NKAIN2: variants seen among roughly 807,000 people sequenced by gnomAD.
NKAIN2 encodes the protein sodium/potassium-transporting ATPase subunit beta-1-interacting protein 2.
Under a neutral mutation model 32.6 loss-of-function variants are expected in NKAIN2, and 14 were observed. That is an observed-to-expected ratio of 0.43 (90% CI 0.28 to 0.67). NKAIN2 has a LOEUF of 0.67. NKAIN2 is among the 30% of genes least tolerant of loss of function. The pLI is 0.17. For synonymous variants in NKAIN2, 80 were observed against 87.2 expected, an observed-to-expected ratio of 0.92 and a Z score of 0.46; for missense variants, 198 against 258.3, an observed-to-expected ratio of 0.77 and a Z score of 1.60.
At chr6:124,614,924 T>G (rs1411508949) in intron 3 of NKAIN2, among the ~76,000 whole-genome samples, 1 of 152,262 alleles carries the variant, frequency 6.6e-6, no homozygotes, top group Non-Finnish European at 1.5e-5. Flanking sequence ...TTTCCCTTTT[T>G]ACAAAGCACC....
At chr6:124,725,246 G>T (rs184354649) in intron 4 of NKAIN2, among the ~76,000 whole-genome samples, 26 of 152,100 alleles carry the variant, frequency 1.7e-4, no homozygotes, top group African/African-American at 5.5e-4. Flanking sequence ...TTTTCTTTTG[G>T]CCATTTTTTT....
chr6:124,590,092 C>T (rs1255982691), intron 3 of NKAIN2, among the ~76,000 whole-genome samples: 2 of 152,148 alleles, frequency 1.3e-5, no homozygotes, highest in East Asian at 3.8e-4. Context: ...GTGCTGCTGC[C>T]CTGAGCTGCT....
At chr6:123,938,602 T>C (rs1396496722) in intron 1 of NKAIN2, among the ~76,000 whole-genome samples, 2 of 140,904 alleles carry the variant, frequency 1.4e-5, no homozygotes, top group African/African-American at 2.6e-5. Context: ...ATATATTATA[T>C]ATATTTTTAT....
chr6:124,041,594 G>T (rs920015053), intron 1 of NKAIN2, among the ~76,000 whole-genome samples: 1 of 151,988 alleles, frequency 6.6e-6, no homozygotes, highest in African/African-American at 2.4e-5. Flanking sequence ...CCCTGTATTT[G>T]TGGCTTGAGT....
At position 124,588,314 on chromosome 6, in the gene NKAIN2, T is replaced by A. The variant is rs145307170; in HGVS notation, c.274-69872T>A. Among the ~76,000 whole-genome samples, 9 of 152,306 alleles carry A rather than the reference T, an allele frequency of 5.9e-5. No individual in the cohort carries two copies. The East Asian group carries it at 1.5e-3, about 26-fold the overall frequency. Reference sequence around the variant, plus strand: ...TCCATCATCTCTCTGCTCTCAAGAATTTTTCTTTACTAAAATTCTCATAAT... The same window carrying A: ...TCCATCATCTCTCTGCTCTCAAGAAATTTTCTTTACTAAAATTCTCATAAT... On this transcript the variant is annotated intron_variant, in intron 3 of 6. Transcript: ENST00000368417.
chr6:123,850,018 G>C (rs1258933303), intron 1 of NKAIN2, among the ~76,000 whole-genome samples: 3 of 141,778 alleles, frequency 2.1e-5, no homozygotes, highest in African/African-American at 7.9e-5. Context: ...TTGTTGCCCA[G>C]GCTGGTCTCC....
At chr6:124,592,908 A>G (rs914199662) in intron 3 of NKAIN2, among the ~76,000 whole-genome samples, 1 of 152,146 alleles carries the variant, frequency 6.6e-6, no homozygotes, top group Non-Finnish European at 1.5e-5. Context: ...ACTTCACGCT[A>G]GCTGTTTTTC....
At chr6:124,654,251 T>C (rs918918679) in intron 3 of NKAIN2, among the ~76,000 whole-genome samples, 15 of 152,138 alleles carry the variant, frequency 9.9e-5, no homozygotes, top group African/African-American at 3.6e-4. Flanking sequence ...CAAGAAATGC[T>C]ATTTTTGGCT....
At chr6:124,614,854 C>G (rs1229922178) in intron 3 of NKAIN2, among the ~76,000 whole-genome samples, 1 of 152,126 alleles carries the variant, frequency 6.6e-6, no homozygotes, top group Non-Finnish European at 1.5e-5. Flanking sequence ...CGTTTCATTC[C>G]CTAATTTGGT....
intron 1 of NKAIN2, among the ~76,000 whole-genome samples, chr6:124,066,378 T>C (rs1308928951): frequency 3.3e-5 from 5 of 152,170 alleles, no homozygotes; most frequent in Admixed American, 3.3e-4. Context: ...CTCTTCTCCT[T>C]TTCTGGTTGT....
chr6:124,143,973 GT>G (rs1787266739), intron 1 of NKAIN2, among the ~76,000 whole-genome samples: 1 of 152,116 alleles, frequency 6.6e-6, no homozygotes, highest in Admixed American at 6.5e-5. Flanking sequence ...AAAGCGTACA[GT>G]GTCTAGCCCT....
chr6:124,344,548 G>A (rs368541833), intron 2 of NKAIN2, among the ~76,000 whole-genome samples: 149 of 151,080 alleles, frequency 9.9e-4, no homozygotes, highest in African/African-American at 2.6e-3. Context: ...GGTCCTTCAC[G>A]TCCCTTGTAA....
At chr6:124,210,412 G>T (rs577740397) in intron 1 of NKAIN2, among the ~76,000 whole-genome samples, 1 of 151,916 alleles carries the variant, frequency 6.6e-6, no homozygotes, top group South Asian at 2.1e-4. Context: ...GATGGCTTTG[G>T]CTAGTCTAGG....
At chr6:124,152,805 C>A (rs1787797074) in intron 1 of NKAIN2, among the ~76,000 whole-genome samples, 1 of 151,714 alleles carries the variant, frequency 6.6e-6, no homozygotes, top group South Asian at 2.1e-4. Context: ...CATATATGCA[C>A]AATAAAATAG....
At chr6:124,437,593 A>T (rs763360471) in intron 3 of NKAIN2, among the ~76,000 whole-genome samples, 3 of 151,996 alleles carry the variant, frequency 2.0e-5, no homozygotes, top group Non-Finnish European at 4.4e-5. Flanking sequence ...AACAATATGG[A>T]ACAAGAGTTA....
intron 6 of NKAIN2, chr6:124,819,087 CA>C: frequency 1.1e-6 from 1 of 930,710 alleles, no homozygotes; most frequent in Non-Finnish European, 1.3e-6. Flanking sequence ...TGTGTTTAGG[CA>C]AATTCCCTTG....
chr6:124,419,807 A>C (rs1774665513), intron 3 of NKAIN2, among the ~76,000 whole-genome samples: 1 of 152,054 alleles, frequency 6.6e-6, no homozygotes. Context: ...CTTACTAAGG[A>C]GAGGAACAAA....
rs200359659 is a variant in NKAIN2 at position 124,477,075 on chromosome 6, A to AT, written c.273+121734dup. On this transcript the variant is annotated intron_variant, in intron 3 of 6. Transcript: ENST00000368417. The stretch of plus-strand genomic sequence containing the variant: ...GTGAGAGCTATATGACTCTGCATTA[A>AT]TTTTTTCTGTCAGATTTCCCAAAGT... Among the ~76,000 whole-genome samples, 1,400 of 152,198 alleles carry AT rather than the reference A, an allele frequency of 9.2e-3. 22 individuals are homozygous for AT. The highest frequency in any genetic ancestry group is 0.032 in the African/African-American group (1,339 of 41,530).
chr6:123,855,628 C>T (rs950825042), intron 1 of NKAIN2, among the ~76,000 whole-genome samples: 3 of 152,156 alleles, frequency 2.0e-5, no homozygotes, highest in Non-Finnish European at 2.9e-5. Context: ...CTGTCAGCCA[C>T]CCTTATGTGC....
Sources: allele counts gnomAD v4.1 joint callset (sites outside exome capture counted in the v4.1 genomes callset), GRCh38; gene constraint gnomAD v4.1.1; transcripts MANE v1.5; gene names NCBI Gene and HGNC (gene_info 2026-07-23, HGNC 2026-07-21).